The following LCP1 variants were observed in gnomAD, a reference collection of about 807,000 sequenced individuals.
The protein encoded by LCP1 is plastin-2.
Under a neutral mutation model 72.0 loss-of-function variants are expected in LCP1, and 23 were observed. That is an observed-to-expected ratio of 0.32 (90% CI 0.23 to 0.45). The LOEUF (loss-of-function observed/expected upper bound fraction) is 0.45. LCP1 is among the 20% of genes least tolerant of loss of function. The pLI, the probability that LCP1 is intolerant of heterozygous loss-of-function variation, is 1.00. For missense variants in LCP1, 571 were observed against 748.3 expected (o/e 0.76, Z 2.76); for synonymous variants, 245 against 275.4 (o/e 0.89, Z 1.09).
At chr13:46,176,440 GA>G (rs545119229) in intron 1 of LCP1, among the ~76,000 whole-genome samples, 2 of 152,104 alleles carry the variant, frequency 1.3e-5, no homozygotes, top group African/African-American at 2.4e-5. Context: ...GGTTTTTATG[GA>G]AAAAAAGTTG....
chr13:46,154,807 G>C lies in LCP1; in HGVS notation c.571C>G (p.Gln191Glu). 1.2e-6 allele frequency: 2 copies of C among 1,612,276 alleles called. No homozygotes were observed. The highest frequency in any genetic ancestry group is 1.7e-6 in the Non-Finnish European group (2 of 1,178,320). Residue 191 changes from glutamine (Q) to glutamate (E), a missense_variant and splice_region_variant, in exon 6 of 16, where the codon CAG becomes GAG. Coordinates refer to ENST00000323076, the MANE Select transcript of LCP1 (RefSeq NM_002298.5). The stretch of plus-strand genomic sequence containing the variant: ...ATGGTAACGGTGGGAAGACATACCT[G>C]AATGGTGAAAGGGGTTAGCTTCTTT... Reference protein sequence around the residue: ...NKKKLTPFTIQENLNLALNSA... With the variant: ...NKKKLTPFTIEENLNLALNSA...
At chr13:46,138,110 T>C (rs1243412107) in intron 13 of LCP1, among the ~76,000 whole-genome samples, 1 of 152,248 alleles carries the variant, frequency 6.6e-6, no homozygotes, top group Non-Finnish European at 1.5e-5. Context: ...TCAAGGGTTT[T>C]ATCTGCAAGT....
At chr13:46,147,835 GGAT>G (rs1180252089) in intron 9 of LCP1, among the ~76,000 whole-genome samples, 9 of 151,992 alleles carry the variant, frequency 5.9e-5, no homozygotes, top group African/African-American at 2.2e-4. Flanking sequence ...CTTTAAATTA[GGAT>G]GATTTCTTAA....
intron 12 of LCP1, 160 bp from the exon 13 acceptor site, chr13:46,142,585 A>G: frequency 1.3e-6 from 1 of 748,486 alleles, no homozygotes. Flanking sequence ...TCAAAATTAA[A>G]GAATTTTCCA....
chr13:46,165,389 A>C (rs1050428737), intron 1 of LCP1, among the ~76,000 whole-genome samples: 6 of 152,240 alleles, frequency 3.9e-5, no homozygotes, highest in East Asian at 1.9e-4. Flanking sequence ...CAAAAAAAAA[A>C]CAAAAATGCA....
chr13:46,149,915 G>T (rs1458791912), intron 8 of LCP1, among the ~76,000 whole-genome samples: 1 of 152,220 alleles, frequency 6.6e-6, no homozygotes, highest in Non-Finnish European at 1.5e-5. Flanking sequence ...GGTGCTAGAA[G>T]AATGTTAATA....
At chr13:46,171,103 AG>A (rs1317532589) in intron 1 of LCP1, among the ~76,000 whole-genome samples, 1 of 152,256 alleles carries the variant, frequency 6.6e-6, no homozygotes, top group Non-Finnish European at 1.5e-5. Flanking sequence ...CAGTAATAAT[AG>A]CCGTTAACAT....
chr13:46,164,439 G>A (rs1190042366), intron 1 of LCP1, among the ~76,000 whole-genome samples: 1 of 152,088 alleles, frequency 6.6e-6, no homozygotes, highest in African/African-American at 2.4e-5. Flanking sequence ...CAGCAGGTAG[G>A]TCAAGATGAA....
intron 1 of LCP1, among the ~76,000 whole-genome samples, chr13:46,176,875 TTG>T (rs58990974): frequency 0.25 from 36,540 of 143,558 alleles, 4,507 homozygotes; most frequent in East Asian, 0.4. Context: ...GTGTGTTTAT[TTG>T]TGTGTGTGTG....
chr13:46,167,636 C>G (rs2045883764), intron 1 of LCP1, among the ~76,000 whole-genome samples: 1 of 152,204 alleles, frequency 6.6e-6, no homozygotes, highest in South Asian at 2.1e-4. Context: ...AGACTTTCCC[C>G]TACTGAAAGC....
At position 46,154,799 on chromosome 13, in the gene LCP1, A is replaced by G; in HGVS notation, c.573+6T>C. ...CCTGTATTATGGTAACGGTGGGAAG[A>G]CATACCTGAATGGTGAAAGGGGTTA... is the stretch of plus-strand genomic sequence containing the variant. On this transcript the variant is annotated splice_donor_region_variant and intron_variant, in intron 6 of 15. Transcript: ENST00000323076. 1.2e-6 allele frequency: 2 copies of G among 1,609,644 alleles called. No homozygotes were observed. Among genetic ancestry groups the G allele is most frequent in the Non-Finnish European group, 1.7e-6 (2 of 1,175,940 alleles).
chr13:46,151,218 C>A, intron 7 of LCP1, 140 bp from the exon 8 acceptor site: 2 of 726,186 alleles, frequency 2.8e-6, no homozygotes, highest in Non-Finnish European at 2.1e-6. Context: ...TGTAGCCTTT[C>A]CCATGGATTA....
intron 2 of LCP1, chr13:46,159,391 G>A (rs112892850): frequency 1.7e-6 from 1 of 582,692 alleles, no homozygotes; most frequent in East Asian, 2.8e-5. Context: ...CTATGTAAGA[G>A]TAGAGTCCAT....
intron 13 of LCP1, among the ~76,000 whole-genome samples, chr13:46,137,479 G>A (rs2138225715): frequency 1.3e-5 from 2 of 152,278 alleles, no homozygotes; most frequent in South Asian, 2.1e-4. Flanking sequence ...GGTGGAGGTT[G>A]TGGTGAGCTG....
rs1201577144 is a variant in LCP1 at position 46,159,694 on chromosome 13, G to C, written c.-24-8C>G. On this transcript the variant is annotated splice_region_variant and splice_polypyrimidine_tract_variant and intron_variant, in intron 1 of 15. Coordinates refer to ENST00000323076, the MANE Select transcript of LCP1 (RefSeq NM_002298.5). ...TTGCTTTAGGTAACAGATCTGGAGA[G>C]AAGAAGAACATAAGGGATAACTTTT... 1 of 1,549,182 alleles carries C rather than the reference G, an allele frequency of 6.5e-7. No homozygotes were observed. The highest frequency in any genetic ancestry group is 8.9e-7 in the Non-Finnish European group (1 of 1,122,022).
At chr13:46,141,141 C>G (rs1357831638) in intron 13 of LCP1, among the ~76,000 whole-genome samples, 1 of 152,126 alleles carries the variant, frequency 6.6e-6, no homozygotes, top group Non-Finnish European at 1.5e-5. Context: ...GGCATGGTGG[C>G]TCATGCCTGT....
chr13:46,159,621 G>A lies in LCP1; in HGVS notation c.42C>T (p.Leu14=), dbSNP rs754871361. 2.5e-6 allele frequency: 4 copies of A among 1,613,998 alleles called. No homozygotes were observed. In the East Asian group the frequency reaches 6.7e-5, roughly 27 times the overall value. The change falls in exon 2 of 16, where the codon CTC becomes CTT. Residue 14 remains leucine (L), a synonymous_variant. Coordinates refer to ENST00000323076, the MANE Select transcript of LCP1 (RefSeq NM_002298.5). The part of the protein sequence containing the change: ...GSVSDEEMME[L]REAFAKVDTD... The stretch of plus-strand genomic sequence containing the variant: ...CACCAACTTTGGCAAAAGCTTCTCT[G>A]AGCTCCATCATTTCCTCATCGGACA...
At chr13:46,169,098 CA>C (rs2045892293) in intron 1 of LCP1, among the ~76,000 whole-genome samples, 1 of 152,194 alleles carries the variant, frequency 6.6e-6, no homozygotes, top group Non-Finnish European at 1.5e-5. Context: ...TGCCTAACAT[CA>C]CAGAGCTTAT....
chr13:46,153,729 GAAAAATAGATACGATT>G (rs2045783764), intron 6 of LCP1, among the ~76,000 whole-genome samples: 1 of 151,110 alleles, frequency 6.6e-6, no homozygotes. Flanking sequence ...AAACGAAAAT[GAAAAATAGATACGATT>G]AAAATTCCTG....
Sources: gnomAD v4.1 joint callset for allele counts (sites outside exome capture counted in the v4.1 genomes callset) on GRCh38, gnomAD v4.1.1 for gene constraint, MANE v1.5 for transcripts, NCBI Gene and HGNC (gene_info 2026-07-23, HGNC 2026-07-21) for gene names.